DIAPH3: variants seen among roughly 807,000 people sequenced by gnomAD.
DIAPH3 encodes diaphanous related formin 3.
In DIAPH3, 117 loss-of-function variants were observed where a neutral mutation model predicts 144.3. The ratio of observed to expected loss-of-function variants is 0.81; its 90% confidence interval spans 0.70 to 0.95. The LOEUF is 0.95. Among genes scored for constraint, DIAPH3 ranks in the 40% least tolerant of loss-of-function variants. The pLI is 0.00. For synonymous variants in DIAPH3, 519 were observed against 488.9 expected, an observed-to-expected ratio of 1.06 and a Z score of -0.81; for missense variants, 1,421 against 1,412.7, an observed-to-expected ratio of 1.01 and a Z score of -0.09.
intron 22 of DIAPH3, among the ~76,000 whole-genome samples, chr13:59,840,655 A>G (rs2042289446): frequency 6.6e-6 from 1 of 152,024 alleles, no homozygotes; most frequent in Non-Finnish European, 1.5e-5. Context: ...AAAATTAGCA[A>G]TCTAATTCTC....
At chr13:59,983,686 C>T in intron 13 of DIAPH3, 83 bp downstream of exon 13, 1 of 930,496 alleles carries the variant, frequency 1.1e-6, no homozygotes, top group African/African-American at 1.7e-5. Flanking sequence ...AGTCCAGAGA[C>T]ACAACCCGAG....
Position 59,914,798 on chromosome 13 carries a change from C to T in DIAPH3, c.2265+1357G>A, listed in dbSNP as rs531563509. On this transcript the variant is annotated intron_variant, in intron 19 of 27. Transcript: ENST00000400324. ...AGAGCCTACGAAAAGAAACACAGGT[C>T]ATTCTGCCAATACTTTGATGTTAGC... Among the ~76,000 whole-genome samples the T allele has an allele frequency of 5.3e-5, 8 of 152,272 alleles. No homozygotes were observed. In the East Asian group the frequency reaches 1.2e-3, roughly 22 times the overall value.
At chr13:60,028,398 C>T (rs1424165737) in intron 5 of DIAPH3, among the ~76,000 whole-genome samples, 2 of 152,066 alleles carry the variant, frequency 1.3e-5, no homozygotes, top group Non-Finnish European at 2.9e-5. Flanking sequence ...CACCTCATAG[C>T]AGCACGCTAT....
intron 1 of DIAPH3, among the ~76,000 whole-genome samples, chr13:60,137,277 G>A (rs898502855): frequency 3.3e-5 from 5 of 152,044 alleles, no homozygotes; most frequent in South Asian, 2.1e-4. Context: ...ACAGAACATC[G>A]GTCTCTATAT....
chr13:60,054,874 T>C (rs2056496002), intron 4 of DIAPH3, among the ~76,000 whole-genome samples: 1 of 152,030 alleles, frequency 6.6e-6, no homozygotes, highest in South Asian at 2.1e-4. Context: ...TTTCAGAACA[T>C]ATACAAACAG....
intron 25 of DIAPH3, among the ~76,000 whole-genome samples, chr13:59,778,088 C>T (rs1390177934): frequency 6.6e-6 from 1 of 152,174 alleles, no homozygotes; most frequent in African/African-American, 2.4e-5. Flanking sequence ...CACAAAACAA[C>T]TTACACAGTC....
At chr13:60,066,703 C>T (rs1296320762) in intron 4 of DIAPH3, among the ~76,000 whole-genome samples, 1 of 152,178 alleles carries the variant, frequency 6.6e-6, no homozygotes, top group Admixed American at 6.5e-5. Flanking sequence ...AATCCCTGCC[C>T]TCAATGAAAT....
intron 14 of DIAPH3, among the ~76,000 whole-genome samples, chr13:59,977,901 T>A (rs2050766126): frequency 6.6e-6 from 1 of 151,694 alleles, no homozygotes; most frequent in African/African-American, 2.4e-5. Flanking sequence ...TTGAGATAGG[T>A]ATAGGAAATT....
chr13:59,879,893 C>A (rs2044895703), intron 20 of DIAPH3, among the ~76,000 whole-genome samples: 1 of 152,098 alleles, frequency 6.6e-6, no homozygotes, highest in African/African-American at 2.4e-5. Flanking sequence ...GGTTTGTTTT[C>A]TTCAAATAGC....
intron 3 of DIAPH3, among the ~76,000 whole-genome samples, chr13:60,102,869 C>G (rs1442280812): frequency 6.6e-6 from 1 of 152,130 alleles, no homozygotes; most frequent in Non-Finnish European, 1.5e-5. Context: ...AAACTTGTGA[C>G]CTTGTGTGGT....
chr13:59,980,836 G>GT lies in DIAPH3; in HGVS notation c.1503dup (p.Leu502ThrfsTer5). 6.2e-7 allele frequency: 1 copy of GT among 1,609,344 alleles called. No homozygotes were observed. The highest frequency in any genetic ancestry group is 8.5e-7 in the Non-Finnish European group (1 of 1,177,238). The stretch of plus-strand genomic sequence containing the variant: ...GATGCTTTCTCTTCAAACTCTTCTA[G>GT]TTTTGCTTGATCTATGCAAATGTCT... On this transcript the variant is annotated frameshift_variant, in exon 14 of 28. Transcript: ENST00000400324. LOFTEE classifies it high-confidence loss of function.
chr13:59,700,211 T>C (rs183868136), intron 27 of DIAPH3, among the ~76,000 whole-genome samples: 181 of 152,328 alleles, frequency 1.2e-3, no homozygotes, highest in Admixed American at 2.0e-3. Context: ...CTAATAATGA[T>C]GTATCTCCCC....
chr13:60,084,081 G>A (rs933889303), intron 4 of DIAPH3, among the ~76,000 whole-genome samples: 8 of 151,902 alleles, frequency 5.3e-5, no homozygotes, highest in East Asian at 1.9e-4. Flanking sequence ...ACTATAGTCC[G>A]CAGAGGCACT....
chr13:60,087,408 A>G (rs2057781668), intron 4 of DIAPH3, among the ~76,000 whole-genome samples: 1 of 152,198 alleles, frequency 6.6e-6, no homozygotes, highest in Admixed American at 6.5e-5. Flanking sequence ...TTTAAACACT[A>G]TATTATACAT....
intron 24 of DIAPH3, among the ~76,000 whole-genome samples, chr13:59,815,261 GAAT>G (rs1348112224): frequency 1.3e-5 from 2 of 152,040 alleles, no homozygotes; most frequent in East Asian, 3.9e-4. Flanking sequence ...ATGTCTCTAA[GAAT>G]AATACTCTAT....
At chr13:59,693,554 C>T (rs937944052) in intron 27 of DIAPH3, among the ~76,000 whole-genome samples, 5 of 152,036 alleles carry the variant, frequency 3.3e-5, no homozygotes, top group African/African-American at 1.2e-4. Context: ...TATATAGTAT[C>T]GGAATTATTT....
intron 27 of DIAPH3, among the ~76,000 whole-genome samples, chr13:59,725,040 A>C (rs1022298575): frequency 6.6e-6 from 1 of 152,226 alleles, no homozygotes; most frequent in Non-Finnish European, 1.5e-5. Context: ...TACTGCTAAA[A>C]TCTGAGAAGT....
chr13:59,843,242 A>G (rs998386900), intron 22 of DIAPH3, among the ~76,000 whole-genome samples: 1 of 152,202 alleles, frequency 6.6e-6, no homozygotes, highest in Admixed American at 6.5e-5. Flanking sequence ...TGGATATAGA[A>G]GTACATGTCT....
At chr13:60,124,031 A>T (rs1008864492) in intron 2 of DIAPH3, among the ~76,000 whole-genome samples, 2 of 152,234 alleles carry the variant, frequency 1.3e-5, no homozygotes, top group African/African-American at 4.8e-5. Flanking sequence ...CACAAGACAC[A>T]TCACATCTAG....
Sources: allele counts gnomAD v4.1 joint callset (sites outside exome capture counted in the v4.1 genomes callset), GRCh38; gene constraint gnomAD v4.1.1; transcripts MANE v1.5; gene names NCBI Gene and HGNC (gene_info 2026-07-23, HGNC 2026-07-21).